Variants in CUX2 observed in about 807,000 individuals in gnomAD.
CUX2 encodes the protein homeobox protein cut-like 2.
A neutral mutation model predicts 144.8 loss-of-function variants in CUX2; 40 were observed. The ratio of observed to expected loss-of-function variants is 0.28; its 90% CI spans 0.21 to 0.36. The LOEUF (loss-of-function observed/expected upper bound fraction) is 0.36, where lower values mean the gene tolerates loss of function less well. CUX2 is among the 10% of genes least tolerant of loss of function. The pLI, the probability that CUX2 is intolerant of heterozygous loss-of-function variation, is 1.00. For missense variants in CUX2, 1,615 were observed against 1,994.0 expected, an observed-to-expected ratio of 0.81 and a Z score of 3.62; for synonymous variants, 827 against 875.6, an observed-to-expected ratio of 0.94 and a Z score of 0.98.
intron 1 of CUX2, among the ~76,000 whole-genome samples, chr12:111,084,895 C>A (rs1359962447): frequency 6.6e-6 from 1 of 152,062 alleles, no homozygotes; most frequent in Non-Finnish European, 1.5e-5. Context: ...TTGGAGGGAC[C>A]TCACCCCCTC....
At chr12:111,228,265 C>T (rs1473899170) in intron 3 of CUX2, among the ~76,000 whole-genome samples, 1 of 152,112 alleles carries the variant, frequency 6.6e-6, no homozygotes, top group Non-Finnish European at 1.5e-5. Flanking sequence ...GGGTTCAACT[C>T]CCCATTTTGC....
intron 3 of CUX2, among the ~76,000 whole-genome samples, chr12:111,261,135 T>G (rs898312141): frequency 6.6e-6 from 1 of 152,134 alleles, no homozygotes; most frequent in African/African-American, 2.4e-5. Context: ...GAATTCAGAG[T>G]GGCAATTTGA....
At position 111,310,394 on chromosome 12, in the gene CUX2, G is replaced by T. The variant is rs1190128571; in HGVS notation, c.1612G>T (p.Gly538Cys). The T allele has an allele frequency of 6.2e-7, 1 of 1,606,998 alleles. No individual in the cohort carries two copies. The highest frequency in any genetic ancestry group is 8.5e-7 in the Non-Finnish European group (1 of 1,176,034). ...ACTGGGCGGTCCTGAGCCCGCGGAT[G>T]GTGGTGGGGGCGGAGCGGCGGGGCC... ...EPLGGPEPAD[G>C]GGGGAAGPGA... Residue 538 changes from glycine to cysteine, a missense_variant, in exon 15 of 22, where the codon GGT (glycine) becomes TGT (cysteine). Around this residue, in one of 12 missense-constraint regions of CUX2, gnomAD observed 154 missense variants for 148.4 expected, o/e 1.04. Transcript: ENST00000261726. The surrounding 1 kb of genome is among the most constrained non-coding windows in gnomAD (Gnocchi z 7.9).
chr12:111,100,302 C>T (rs11834402), intron 1 of CUX2, among the ~76,000 whole-genome samples: 4,049 of 152,070 alleles, frequency 0.027, 189 homozygotes, highest in African/African-American at 0.093. Flanking sequence ...CTGTGTGGCT[C>T]TCCGTGTGTC....
At chr12:111,142,342 C>T (rs1036712650) in intron 1 of CUX2, among the ~76,000 whole-genome samples, 55 of 152,122 alleles carry the variant, frequency 3.6e-4, no homozygotes, top group African/African-American at 1.3e-3. Context: ...CATAAAAGAT[C>T]GTCCCAATTT....
intron 1 of CUX2, among the ~76,000 whole-genome samples, chr12:111,081,730 G>C (rs369045986): frequency 2.0e-5 from 3 of 152,328 alleles, no homozygotes; most frequent in East Asian, 3.9e-4. Context: ...TTGGTGCTGT[G>C]GTGGTGACCA....
intron 1 of CUX2, among the ~76,000 whole-genome samples, chr12:111,111,068 G>A (rs959518242): frequency 6.6e-6 from 1 of 152,154 alleles, no homozygotes; most frequent in Admixed American, 6.5e-5. Context: ...TTGGGAGGCC[G>A]AGGTGGGCAG....
At chr12:111,308,803 T>A (rs536847924) in intron 14 of CUX2, among the ~76,000 whole-genome samples, 21 of 152,270 alleles carry the variant, frequency 1.4e-4, no homozygotes, top group Non-Finnish European at 2.8e-4. Context: ...GCGGCTTTCA[T>A]GAAGTGGTCA....
chr12:111,237,851 T>C (rs986752612), intron 3 of CUX2, among the ~76,000 whole-genome samples: 5 of 152,180 alleles, frequency 3.3e-5, no homozygotes, highest in South Asian at 4.1e-4. Flanking sequence ...CCCCCGTTTC[T>C]CCCCCTGAAT....
intron 16 of CUX2, among the ~76,000 whole-genome samples, chr12:111,314,023 T>C (rs1171146599): frequency 6.6e-6 from 1 of 151,972 alleles, no homozygotes; most frequent in East Asian, 1.9e-4. Context: ...TCCCAATCAA[T>C]GGCCCTCCCT....
intron 1 of CUX2, among the ~76,000 whole-genome samples, chr12:111,043,846 G>A (rs147137162): frequency 7.9e-4 from 120 of 152,252 alleles, no homozygotes; most frequent in African/African-American, 2.7e-3. Flanking sequence ...ACATACTCAC[G>A]AGACAGAAAT....
At position 111,114,381 on chromosome 12, in the gene CUX2, C is replaced by A. The variant is rs76216543; in HGVS notation, c.63+80141C>A. Among the ~76,000 whole-genome samples the A allele has an allele frequency of 7.1e-3, 1,079 of 152,216 alleles. 10 individuals are homozygous for A. The highest frequency in any genetic ancestry group is 0.025 in the African/African-American group (1,038 of 41,512). On this transcript the variant is annotated intron_variant, in intron 1 of 21. Coordinates refer to ENST00000261726, the MANE Select transcript of CUX2 (RefSeq NM_015267.4). ...CATCTTTTCATTGCTTATTTGCTGTCCGCATGTCTGTTTTAGTGATGCTTC... is the reference window on the plus strand; with the variant it reads ...CATCTTTTCATTGCTTATTTGCTGTACGCATGTCTGTTTTAGTGATGCTTC...
chr12:111,233,514 C>T (rs1882586291), intron 3 of CUX2, among the ~76,000 whole-genome samples: 2 of 152,078 alleles, frequency 1.3e-5, no homozygotes, highest in Admixed American at 1.3e-4. Flanking sequence ...CAACTGAATC[C>T]TACGGCCCAG....
At chr12:111,112,184 G>A (rs1874015816) in intron 1 of CUX2, among the ~76,000 whole-genome samples, 1 of 152,202 alleles carries the variant, frequency 6.6e-6, no homozygotes, top group African/African-American at 2.4e-5. Context: ...CATGTCAACG[G>A]GGAGGTGAGC....
chr12:111,155,894 C>T (rs952195403), intron 1 of CUX2, among the ~76,000 whole-genome samples: 13 of 151,542 alleles, frequency 8.6e-5, no homozygotes, highest in African/African-American at 3.2e-4. Flanking sequence ...ACATTTGGAA[C>T]ACATCCCTGC....
At chr12:111,292,146 A>T (rs1242076740) in intron 5 of CUX2, among the ~76,000 whole-genome samples, 1 of 152,260 alleles carries the variant, frequency 6.6e-6, no homozygotes, top group African/African-American at 2.4e-5. Context: ...ACAAATGTAC[A>T]TGGCAGCGTT....
At chr12:111,282,897 C>G (rs1052113589) in intron 4 of CUX2, among the ~76,000 whole-genome samples, 14 of 151,984 alleles carry the variant, frequency 9.2e-5, no homozygotes, top group African/African-American at 3.4e-4. Context: ...TTCAGAAAGT[C>G]AGGGATGCTT....
At chr12:111,158,619 A>C (rs751284870) in intron 1 of CUX2, among the ~76,000 whole-genome samples, 1 of 152,150 alleles carries the variant, frequency 6.6e-6, no homozygotes, top group South Asian at 2.1e-4. Context: ...GAGCATCTGC[A>C]TGAAGATGGG....
chr12:111,141,583 T>G (rs1247013215), intron 1 of CUX2, among the ~76,000 whole-genome samples: 1 of 152,108 alleles, frequency 6.6e-6, no homozygotes, highest in Non-Finnish European at 1.5e-5. Context: ...AAATGGAGAC[T>G]CAGAGAGGGA....
Sources: allele counts gnomAD v4.1 joint callset (sites outside exome capture counted in the v4.1 genomes callset), GRCh38; gene constraint gnomAD v4.1.1; regional missense constraint gnomAD v4.1.1; non-coding constraint Gnocchi (gnomAD v3.1); transcripts MANE v1.5; gene names NCBI Gene and HGNC (gene_info 2026-07-23, HGNC 2026-07-21).